The following ERICH1 variants were observed in gnomAD, a reference collection of about 807,000 sequenced individuals.
ERICH1 encodes glutamate rich 1, also known as glutamate-rich protein 1.
In ERICH1, 56 loss-of-function variants were observed where a neutral mutation model predicts 39.6. The ratio of observed to expected loss-of-function variants is 1.41; its 90% CI spans 1.14 to 1.77. ERICH1 has a LOEUF of 1.77. Ranked by LOEUF, ERICH1 falls within the 40% of genes most tolerant of loss-of-function variation. ERICH1 has a pLI of 0.00. For missense variants in ERICH1, 826 were observed against 575.4 expected (o/e 1.44, Z -4.45); for synonymous variants, 313 against 223.6 (o/e 1.40, Z -3.57).
intron 2 of ERICH1, among the ~76,000 whole-genome samples, chr8:711,053 A>C (rs368597019): frequency 5.3e-5 from 8 of 152,168 alleles, no homozygotes; most frequent in African/African-American, 1.9e-4. Flanking sequence ...TGTCCATTCT[A>C]GTAGGTATGT....
intron 3 of ERICH1, among the ~76,000 whole-genome samples, chr8:650,647 G>C (rs1020550231): frequency 2.0e-5 from 3 of 152,220 alleles, no homozygotes; most frequent in African/African-American, 7.2e-5. Context: ...CGTGCCATAG[G>C]GCAGGAGAGA....
At chr8:701,232 TA>T (rs1812049620) in intron 2 of ERICH1, among the ~76,000 whole-genome samples, 2 of 151,374 alleles carry the variant, frequency 1.3e-5, no homozygotes, top group African/African-American at 2.4e-5. Flanking sequence ...GAGCACGCCG[TA>T]CCCACGGGTC....
chr8:649,839 C>A (rs1373149573), intron 3 of ERICH1, among the ~76,000 whole-genome samples: 1 of 152,232 alleles, frequency 6.6e-6, no homozygotes, highest in African/African-American at 2.4e-5. Flanking sequence ...AGCTGGGCTC[C>A]AGCAAGAGCT....
At chr8:707,050 A>AG (rs1162265068) in intron 2 of ERICH1, among the ~76,000 whole-genome samples, 1 of 152,150 alleles carries the variant, frequency 6.6e-6, no homozygotes, top group African/African-American at 2.4e-5. Context: ...AACAAAGTTG[A>AG]GGGACCCACA....
intron 3 of ERICH1, among the ~76,000 whole-genome samples, chr8:631,376 C>G (rs1250158539): frequency 6.6e-6 from 1 of 152,194 alleles, no homozygotes; most frequent in Non-Finnish European, 1.5e-5. Flanking sequence ...AGACAGGAGG[C>G]TACTCAGAGA....
chr8:638,796 A>G (rs11778883), intron 3 of ERICH1, among the ~76,000 whole-genome samples: 2 of 151,608 alleles, frequency 1.3e-5, no homozygotes, highest in Non-Finnish European at 2.9e-5. Flanking sequence ...GACCCAGAAG[A>G]CTCATTTTGA....
At chr8:623,376 C>A (rs187451125) in intron 3 of ERICH1, among the ~76,000 whole-genome samples, 1 of 152,130 alleles carries the variant, frequency 6.6e-6, no homozygotes, top group African/African-American at 2.4e-5. Flanking sequence ...AACTAGAAAT[C>A]GAAGGAAACC....
chr8:616,494 G>A (rs1434677240), intron 3 of ERICH1: 3 of 455,860 alleles, frequency 6.6e-6, no homozygotes, highest in Non-Finnish European at 1.3e-5. Flanking sequence ...TACGGCCAGA[G>A]CACTGCTCCC....
chr8:660,142 C>T (rs1475134587), downstream of ERICH1, among the ~76,000 whole-genome samples: 1 of 141,100 alleles, frequency 7.1e-6, no homozygotes, highest in Non-Finnish European at 1.5e-5. Context: ...TGCCCGGGGT[C>T]ATGGCTGAGC....
chr8:634,245 A>G (rs2117144723), intron 3 of ERICH1, among the ~76,000 whole-genome samples: 1 of 152,112 alleles, frequency 6.6e-6, no homozygotes, highest in Middle Eastern at 3.4e-3. Flanking sequence ...CATTTATCCA[A>G]AGAAGACACA....
At chr8:705,390 C>T (rs931260490) in intron 2 of ERICH1, among the ~76,000 whole-genome samples, 7 of 152,186 alleles carry the variant, frequency 4.6e-5, no homozygotes, top group South Asian at 2.1e-4. Context: ...ATTTTACCCC[C>T]GGCCAAGACT....
chr8:713,741 GGT>G (rs960321435), intron 2 of ERICH1, among the ~76,000 whole-genome samples: 2 of 152,128 alleles, frequency 1.3e-5, no homozygotes, highest in Non-Finnish European at 2.9e-5. Flanking sequence ...CTGAGATCCT[GGT>G]GCGCAGCTCC....
At chr8:688,228 C>T (rs1807962786) in intron 3 of ERICH1, among the ~76,000 whole-genome samples, 2 of 151,996 alleles carry the variant, frequency 1.3e-5, no homozygotes, top group African/African-American at 2.4e-5. Context: ...GGTTTCCCGA[C>T]GTTCTCGCAG....
intron 3 of ERICH1, among the ~76,000 whole-genome samples, chr8:618,809 T>G (rs12548524): frequency 1.3e-5 from 2 of 152,020 alleles, no homozygotes; most frequent in Non-Finnish European, 2.9e-5. Flanking sequence ...GAGCGCCACT[T>G]GAGACAAGGT....
intron 3 of ERICH1, among the ~76,000 whole-genome samples, chr8:657,602 C>T (rs1389108033): frequency 6.7e-6 from 1 of 150,068 alleles, no homozygotes; most frequent in South Asian, 2.2e-4. Context: ...TAGTATGGGT[C>T]TCTGTGGGGA....
intron 2 of ERICH1, among the ~76,000 whole-genome samples, chr8:713,320 T>C (rs1735064256): frequency 6.6e-6 from 1 of 152,260 alleles, no homozygotes; most frequent in African/African-American, 2.4e-5. Context: ...CTATAATAAG[T>C]ATATTCTTTA....
At chr8:633,367 G>A (rs924348900) in intron 3 of ERICH1, among the ~76,000 whole-genome samples, 4 of 152,220 alleles carry the variant, frequency 2.6e-5, no homozygotes, top group African/African-American at 9.6e-5. Flanking sequence ...TGCAGTATGT[G>A]CTGCATTCAG....
rs1457350494 is a variant in ERICH1, at chr8:664,340, T to C, written c.*263A>G. The C allele has an allele frequency of 2.7e-6, 3 of 1,109,644 alleles. No individual in the cohort carries two copies. The highest frequency in any genetic ancestry group is 2.2e-6 in the Non-Finnish European group (2 of 910,524). 68.7% of individuals were successfully genotyped at this position (1,109,644 alleles called of 1,614,324 possible). ...TAACAGAATGTCCATTTTCAATTTT[T>C]ACAATAAGTAGAGAAACAGAATCAA... On this transcript the variant is annotated 3_prime_UTR_variant, in exon 6 of 6. Transcript: ENST00000262109.
At position 683,395 on chromosome 8, in the gene ERICH1, G is replaced by T. The variant is rs147984206; in HGVS notation, c.304+9083C>A. 1.2e-4 allele frequency among the ~76,000 whole-genome samples: 19 copies of T among 152,338 alleles called. No homozygotes were observed. The East Asian group carries it at 3.7e-3, about 29-fold the overall frequency. On this transcript the variant is annotated intron_variant, in intron 3 of 5. Coordinates refer to ENST00000262109, the MANE Select transcript of ERICH1 (RefSeq NM_207332.3). ...GCCTCAGCCACCAAGGACTGCCTGTGAGACGGGGAGCACCCCTCCAGGGTC... is the reference window on the plus strand; with the variant it reads ...GCCTCAGCCACCAAGGACTGCCTGTTAGACGGGGAGCACCCCTCCAGGGTC...
Sources: gnomAD v4.1 joint callset for allele counts (sites outside exome capture counted in the v4.1 genomes callset) on GRCh38, gnomAD v4.1.1 for gene constraint, MANE v1.5 for transcripts, NCBI Gene and HGNC (gene_info 2026-07-23, HGNC 2026-07-21) for gene names.